Variants in DGKI observed in about 807,000 individuals in gnomAD.
DGKI encodes diacylglycerol kinase iota, also known as DAG kinase iota.
DGKI carries 55 observed loss-of-function variants against 147.5 expected under a neutral mutation model. That is an observed-to-expected ratio of 0.37 (90% confidence interval 0.30 to 0.47). The LOEUF is 0.47. Among genes scored for constraint, DGKI ranks in the 20% least tolerant of loss-of-function variants. The pLI is 1.00. For missense variants in DGKI, 1,007 were observed against 1,323.8 expected (o/e 0.76, Z 3.71); for synonymous variants, 469 against 477.1 (o/e 0.98, Z 0.22).
At chr7:137,617,701 GTA>G (rs1217008112) in intron 8 of DGKI, among the ~76,000 whole-genome samples, 5 of 152,060 alleles carry the variant, frequency 3.3e-5, no homozygotes, top group Admixed American at 2.6e-4. Flanking sequence ...GGAATGTTCT[GTA>G]TCTTGACTGA....
chr7:137,517,049 A>G (rs1816768416), intron 21 of DGKI, among the ~76,000 whole-genome samples: 1 of 151,708 alleles, frequency 6.6e-6, no homozygotes, highest in Non-Finnish European at 1.5e-5. Flanking sequence ...TGATGGGGCA[A>G]AAAGCCTACT....
At position 137,707,176 on chromosome 7, in the gene DGKI, A is replaced by C. The variant is rs114400742; in HGVS notation, c.402-17174T>G. On this transcript the variant is annotated intron_variant, in intron 1 of 32. Transcript: ENST00000614521. Reference sequence around the variant, plus strand: ...CTCCTCCCTTAGACCTGTGGTACAAATGGCTTTGAATTAGGGAGTGGGGTG... The same window carrying C: ...CTCCTCCCTTAGACCTGTGGTACAACTGGCTTTGAATTAGGGAGTGGGGTG... Among the ~76,000 whole-genome samples the C allele has an allele frequency of 5.1e-3, 775 of 152,274 alleles. 6 individuals carry two copies. Among genetic ancestry groups the C allele is most frequent in the African/African-American group, 0.017 (713 of 41,554 alleles).
At chr7:137,620,586 T>C (rs1004840884) in intron 7 of DGKI, among the ~76,000 whole-genome samples, 10 of 152,100 alleles carry the variant, frequency 6.6e-5, no homozygotes, top group African/African-American at 2.4e-4. Flanking sequence ...TTGTCTGGAC[T>C]GCTAAAAAAA....
intron 27 of DGKI, chr7:137,452,674 C>T (rs1814018805): frequency 6.6e-6 from 1 of 152,206 alleles, no homozygotes; most frequent in African/African-American, 2.4e-5. Context: ...AGGTGATGAT[C>T]CATCCTACTT....
chr7:137,487,497 A>G, intron 22 of DGKI, 113 bp downstream of exon 22: 1 of 947,874 alleles, frequency 1.1e-6, no homozygotes, highest in Non-Finnish European at 1.7e-6. Flanking sequence ...CAAAGCCACC[A>G]CATTTCCACT....
chr7:137,708,820 G>A (rs1794125770), intron 1 of DGKI, among the ~76,000 whole-genome samples: 2 of 152,318 alleles, frequency 1.3e-5, no homozygotes, highest in South Asian at 2.1e-4. Context: ...GATGTTGATA[G>A]GGAAAGGCTA....
At chr7:137,406,005 G>A (rs1263734289) in intron 30 of DGKI, among the ~76,000 whole-genome samples, 2 of 152,130 alleles carry the variant, frequency 1.3e-5, no homozygotes, top group Non-Finnish European at 2.9e-5. Context: ...GGGGGGTGTG[G>A]AGAGAGAGAT....
intron 17 of DGKI, 49 bp from the exon 18 acceptor site, chr7:137,572,887 A>G (rs1407754411): frequency 7.3e-7 from 1 of 1,365,378 alleles, no homozygotes; most frequent in Admixed American, 2.0e-5. Flanking sequence ...CACAAGTCTA[A>G]AAACCTATGA....
Position 137,514,477 on chromosome 7 carries a change from C to T in DGKI, c.2248+7389G>A, listed in dbSNP as rs559656394. ...TGCATCTTACTCAACTTCTCTGAAA[C>T]GCTGACAGCTAGACAGCTTTTATGA... On this transcript the variant is annotated intron_variant, in intron 21 of 32. Transcript: ENST00000614521. 8.5e-5 allele frequency among the ~76,000 whole-genome samples: 13 copies of T among 152,260 alleles called. No individual in the cohort carries two copies. The East Asian group carries it at 1.2e-3, about 14-fold the overall frequency.
At chr7:137,631,489 G>A (rs901680202) in intron 6 of DGKI, among the ~76,000 whole-genome samples, 5 of 152,168 alleles carry the variant, frequency 3.3e-5, no homozygotes, top group Non-Finnish European at 5.9e-5. Context: ...TGAAGAGGCT[G>A]CTAAGAGTGA....
At chr7:137,781,393 T>C (rs1414350713) in intron 1 of DGKI, among the ~76,000 whole-genome samples, 3 of 152,242 alleles carry the variant, frequency 2.0e-5, no homozygotes, top group Non-Finnish European at 4.4e-5. Flanking sequence ...TAAACTTACA[T>C]ATCTGCTAGA....
intron 6 of DGKI, among the ~76,000 whole-genome samples, chr7:137,638,503 T>TACAC (rs1821445081): frequency 8.6e-6 from 1 of 116,716 alleles, no homozygotes; most frequent in Admixed American, 8.3e-5. Flanking sequence ...CATATATATG[T>TACAC]ATATATATGT....
In DGKI at chr7:137,465,893, G is replaced by A. The variant is rs745908072; in HGVS notation, c.2612+15C>T. Reference sequence around the variant, plus strand: ...CCCTAAGGCCAGCCTCACAGGCCAGGAGAAGCACACTCACCCCGAGGCTTG... The same window carrying A: ...CCCTAAGGCCAGCCTCACAGGCCAGAAGAAGCACACTCACCCCGAGGCTTG... On this transcript the variant is annotated intron_variant, in intron 26 of 32. Transcript: ENST00000614521. 1.2e-6 allele frequency: 2 copies of A among 1,612,726 alleles called. No homozygotes were observed. Among genetic ancestry groups the A allele is most frequent in the African/African-American group, 1.3e-5 (1 of 74,918 alleles).
chr7:137,749,036 G>C (rs1323034470), intron 1 of DGKI, among the ~76,000 whole-genome samples: 1 of 152,144 alleles, frequency 6.6e-6, no homozygotes, highest in African/African-American at 2.4e-5. Context: ...ACATGCAGGT[G>C]ATGTCTACAG....
chr7:137,410,168 G>A (rs911126557), intron 29 of DGKI, among the ~76,000 whole-genome samples: 3 of 152,100 alleles, frequency 2.0e-5, no homozygotes, highest in Admixed American at 6.5e-5. Flanking sequence ...TACTTCAGGA[G>A]GCCAAGGCAA....
At chr7:137,655,112 C>T (rs1295012453) in intron 4 of DGKI, among the ~76,000 whole-genome samples, 1 of 152,032 alleles carries the variant, frequency 6.6e-6, no homozygotes, top group Admixed American at 6.5e-5. Context: ...GCTTAAACTA[C>T]CCAGCTGGGT....
intron 1 of DGKI, among the ~76,000 whole-genome samples, chr7:137,761,327 G>C (rs551424273): frequency 6.6e-6 from 1 of 152,216 alleles, no homozygotes; most frequent in East Asian, 1.9e-4. Context: ...TCTTGGCCCT[G>C]GCATTTATCA....
At position 137,592,594 on chromosome 7, in the gene DGKI, T is replaced by C. The variant is rs75947377; in HGVS notation, c.1311+5253A>G. Among the ~76,000 whole-genome samples, 70 of 152,284 alleles carry C rather than the reference T, an allele frequency of 4.6e-4. 1 individual carries two copies. In the East Asian group the frequency reaches 0.012, roughly 27 times the overall value. ...AGATGACAGCAAACTGATATTTTCTTCCAAGAGAACAGATGCACGTTGCGC... is the reference window on the plus strand; with the variant it reads ...AGATGACAGCAAACTGATATTTTCTCCCAAGAGAACAGATGCACGTTGCGC... On this transcript the variant is annotated intron_variant, in intron 12 of 32. Coordinates refer to ENST00000614521, the MANE Select transcript of DGKI (RefSeq NM_001321708.2).
chr7:137,756,767 G>A (rs1357090445), intron 1 of DGKI, among the ~76,000 whole-genome samples: 2 of 152,044 alleles, frequency 1.3e-5, no homozygotes, highest in African/African-American at 4.8e-5. Flanking sequence ...AGACTACATT[G>A]TGTAGATTTA....
Sources: gnomAD v4.1 joint callset for allele counts (sites outside exome capture counted in the v4.1 genomes callset) on GRCh38, gnomAD v4.1.1 for gene constraint, MANE v1.5 for transcripts, NCBI Gene and HGNC (gene_info 2026-07-23, HGNC 2026-07-21) for gene names.